RACGAP1: variants seen among roughly 807,000 people sequenced by gnomAD.
RACGAP1 encodes rac GTPase-activating protein 1.
Under a neutral mutation model 78.1 loss-of-function variants are expected in RACGAP1, and 30 were observed. That is an observed-to-expected ratio of 0.38 (90% CI 0.29 to 0.52). The LOEUF is 0.52. RACGAP1 is among the 20% of genes least tolerant of loss of function. RACGAP1 has a pLI of 0.82. For synonymous variants in RACGAP1, 231 were observed against 264.8 expected (o/e 0.87, Z 1.24); for missense variants, 587 against 777.1 (o/e 0.76, Z 2.91).
chr12:50,001,368 A>G, intron 6 of RACGAP1, 116 bp from the exon 7 acceptor site: 3 of 656,724 alleles, frequency 4.6e-6, no homozygotes, highest in Non-Finnish European at 7.8e-6. Context: ...GCTACAGTAA[A>G]TAACAAACAA....
intron 1 of RACGAP1, among the ~76,000 whole-genome samples, chr12:50,021,627 A>G (rs1247862524): frequency 6.6e-6 from 1 of 152,210 alleles, no homozygotes; most frequent in African/African-American, 2.4e-5. Flanking sequence ...AACATTATTA[A>G]GAGACCTATA....
At chr12:50,029,878 G>A (rs2137776678), upstream of RACGAP1, among the ~76,000 whole-genome samples, 1 of 152,334 alleles carries the variant, frequency 6.6e-6, no homozygotes, top group African/African-American at 2.4e-5. Context: ...GGGCAACAGA[G>A]CGAGACTCCG....
chr12:50,001,054 A>G (rs1358181758), intron 7 of RACGAP1, 118 bp downstream of exon 7: 76 of 866,940 alleles, frequency 8.8e-5, no homozygotes, highest in Non-Finnish European at 8.3e-5. Context: ...GTCTCAAAAA[A>G]CAAACAAAAA....
intron 1 of RACGAP1, chr12:50,017,112 A>G: frequency 1.0e-6 from 1 of 985,934 alleles, no homozygotes; most frequent in Non-Finnish European, 1.2e-6. Context: ...AAGACCTACA[A>G]TGTAACTTAA....
intron 1 of RACGAP1, among the ~76,000 whole-genome samples, chr12:50,032,770 C>T (rs7964680): frequency 0.055 from 8,350 of 152,248 alleles, 775 homozygotes; most frequent in African/African-American, 0.19. Flanking sequence ...CTCCCATGTC[C>T]GGCGAGACGC....
chr12:50,002,311 T>C lies in RACGAP1; in HGVS notation c.496-11A>G. The C allele has an allele frequency of 6.2e-7, 1 of 1,610,426 alleles. No individual in the cohort carries two copies. The highest frequency in any genetic ancestry group is 8.5e-7 in the Non-Finnish European group (1 of 1,177,890). On this transcript the variant is annotated splice_polypyrimidine_tract_variant and intron_variant, in intron 5 of 16. Coordinates refer to ENST00000312377, the MANE Select transcript of RACGAP1 (RefSeq NM_001319999.2). ...AGAAGAGTCCCAATCCTGTTGACAA[T>C]TACACTGTATTAATTTCTTTTTTTG...
At chr12:49,997,912 T>A (rs1162553616) in intron 9 of RACGAP1, among the ~76,000 whole-genome samples, 1 of 152,188 alleles carries the variant, frequency 6.6e-6, no homozygotes, top group Non-Finnish European at 1.5e-5. Flanking sequence ...ACTTAGTATG[T>A]GCCAAAAAAT....
chr12:49,997,616 C>T (rs1176863942), intron 9 of RACGAP1, among the ~76,000 whole-genome samples: 1 of 149,982 alleles, frequency 6.7e-6, no homozygotes, highest in Non-Finnish European at 1.5e-5. Flanking sequence ...TCTTGTTGCC[C>T]AGGCTGGAGT....
At chr12:49,996,627 C>CCAAAAAAAAAAA (rs1948285121) in intron 10 of RACGAP1, among the ~76,000 whole-genome samples, 2 of 6,394 alleles carry the variant, frequency 3.1e-4, no homozygotes, top group African/African-American at 7.2e-4. Flanking sequence ...GGCAATAGAG[C>CCAAAAAAAAAAA]TAAAAAAAAA....
At chr12:49,993,366 A>G (rs12815243) in intron 12 of RACGAP1, among the ~76,000 whole-genome samples, 10 of 152,216 alleles carry the variant, frequency 6.6e-5, no homozygotes, top group African/African-American at 2.4e-4. Context: ...AAGGAAGAAC[A>G]CTGTACACAA....
chr12:50,003,185 G>T (rs149233219), intron 5 of RACGAP1, among the ~76,000 whole-genome samples: 1 of 152,000 alleles, frequency 6.6e-6, no homozygotes, highest in Non-Finnish European at 1.5e-5. Context: ...CCTTACTCCT[G>T]ATCATCCCTG....
upstream of RACGAP1, among the ~76,000 whole-genome samples, chr12:50,029,965 G>A (rs1950317103): frequency 6.6e-6 from 1 of 152,258 alleles, no homozygotes; most frequent in East Asian, 1.9e-4. Flanking sequence ...GTGATGCATA[G>A]CTTAATTAAT....
At position 50,030,740 on chromosome 12, in the gene RACGAP1, A is replaced by T. The variant is rs779714351; in HGVS notation, c.-24+957T>A. On this transcript the variant is annotated intron_variant, in intron 2 of 3. Transcript: ENST00000548247. ...ATATATATACATTATACTTCAAAAC[A>T]TCATGTTGTACATGATAAATATGTT... is the stretch of plus-strand genomic sequence containing the variant. Among the ~76,000 whole-genome samples, 37 of 151,872 alleles carry T rather than the reference A, an allele frequency of 2.4e-4. 1 individual carries two copies. The highest frequency in any genetic ancestry group is 6.6e-4 in the Admixed American group (10 of 15,236).
At chr12:49,995,232 C>T (rs1948176344) in intron 10 of RACGAP1, among the ~76,000 whole-genome samples, 1 of 152,126 alleles carries the variant, frequency 6.6e-6, no homozygotes, top group South Asian at 2.1e-4. Context: ...CCTGTAATCC[C>T]AGCTATGAGG....
At chr12:50,016,495 C>G (rs1949687963) in intron 2 of RACGAP1, 136 bp downstream of exon 2, 1 of 881,396 alleles carries the variant, frequency 1.1e-6, no homozygotes, top group Admixed American at 2.0e-5. Context: ...GCTTTGACCA[C>G]GTAAGTGATC....
upstream of RACGAP1, among the ~76,000 whole-genome samples, chr12:50,026,070 T>A (rs951779266): frequency 1.5e-4 from 23 of 152,326 alleles, no homozygotes; most frequent in African/African-American, 5.1e-4. Context: ...GAAAATAAAA[T>A]ACTATAATTC....
intron 4 of RACGAP1, among the ~76,000 whole-genome samples, chr12:50,004,838 C>T (rs1948879673): frequency 6.6e-6 from 1 of 152,206 alleles, no homozygotes. Flanking sequence ...CTATTTTAAA[C>T]AGTGGTGCAG....
chr12:50,025,374 T>C (rs924968300), intron 1 of RACGAP1, 24 bp downstream of exon 1: 12 of 985,638 alleles, frequency 1.2e-5, no homozygotes, highest in African/African-American at 1.7e-5. Context: ...CAGACGCACC[T>C]GGTCTGGCAC....
intron 1 of RACGAP1, chr12:50,018,541 G>A (rs1381377899): frequency 1.6e-6 from 2 of 1,288,688 alleles, no homozygotes; most frequent in Non-Finnish European, 2.0e-6. Flanking sequence ...ACAGAAACAG[G>A]GGCAGGACAT....
Sources: allele counts gnomAD v4.1 joint callset (sites outside exome capture counted in the v4.1 genomes callset), GRCh38; gene constraint gnomAD v4.1.1; transcripts MANE v1.5; gene names NCBI Gene and HGNC (gene_info 2026-07-23, HGNC 2026-07-21).